Variants in FOXP2 observed in about 807,000 individuals in gnomAD.
FOXP2 encodes the protein forkhead box P2.
A neutral mutation model predicts 115.8 loss-of-function variants in FOXP2; 12 were observed. That is an observed-to-expected ratio of 0.10 (90% CI 0.07 to 0.17). FOXP2 has a LOEUF of 0.17. FOXP2 is among the 10% of genes least tolerant of loss of function. The probability of loss-of-function intolerance (pLI) is 1.00; values close to 1 mark genes in which losing one functional copy is unlikely to be tolerated. For missense variants in FOXP2, 629 were observed against 843.5 expected, an observed-to-expected ratio of 0.75 and a Z score of 3.15; for synonymous variants, 328 against 297.7, an observed-to-expected ratio of 1.10 and a Z score of -1.05.
At chr7:114,214,517 C>G (rs574245793) in intron 1 of FOXP2, among the ~76,000 whole-genome samples, 134 of 152,248 alleles carry the variant, frequency 8.8e-4, no homozygotes, top group Non-Finnish European at 1.5e-3. Context: ...CATCTTATAT[C>G]CTTTTTACCA....
intron 3 of FOXP2, among the ~76,000 whole-genome samples, chr7:114,598,620 G>T (rs1802850432): frequency 6.6e-6 from 1 of 151,752 alleles, no homozygotes; most frequent in African/African-American, 2.4e-5. Context: ...TTTAATTGTG[G>T]TAAAATGCAT....
intron 1 of FOXP2, among the ~76,000 whole-genome samples, chr7:114,187,356 A>C (rs1003773856): frequency 1.3e-5 from 2 of 152,204 alleles, no homozygotes; most frequent in Non-Finnish European, 1.5e-5. Context: ...ATTGCTTTTA[A>C]GTTCTGCCCT....
At chr7:114,133,901 A>G (rs1236032538) in intron 1 of FOXP2, among the ~76,000 whole-genome samples, 1 of 152,182 alleles carries the variant, frequency 6.6e-6, no homozygotes, top group East Asian at 1.9e-4. Context: ...AGCTAGGGCC[A>G]TGTCCTTGAA....
chr7:114,192,738 C>G (rs1446676943), intron 1 of FOXP2, among the ~76,000 whole-genome samples: 1 of 152,212 alleles, frequency 6.6e-6, no homozygotes, highest in African/African-American at 2.4e-5. Flanking sequence ...TACATTACTA[C>G]TTAATGTTGC....
At chr7:114,343,810 A>G (rs916681613) in intron 2 of FOXP2, among the ~76,000 whole-genome samples, 6 of 151,678 alleles carry the variant, frequency 4.0e-5, no homozygotes, top group Non-Finnish European at 7.4e-5. Context: ...ACTTAAAAAT[A>G]CAGTAGCCAT....
At chr7:114,168,522 T>A (rs1271699227) in intron 1 of FOXP2, among the ~76,000 whole-genome samples, 4 of 152,150 alleles carry the variant, frequency 2.6e-5, no homozygotes, top group Non-Finnish European at 5.9e-5. Context: ...AGAAGAAATT[T>A]CTAAGCAGCA....
upstream of FOXP2, chr7:114,086,441 G>A: frequency 2.9e-6 from 1 of 343,654 alleles, no homozygotes. Flanking sequence ...TATTTATGCG[G>A]CGGCCGCGTC....
At chr7:114,090,373 T>C (rs570569827) in intron 1 of FOXP2, among the ~76,000 whole-genome samples, 2 of 151,902 alleles carry the variant, frequency 1.3e-5, no homozygotes, top group Non-Finnish European at 3.0e-5. Flanking sequence ...AGTTGTCTTA[T>C]TCATAAATGA....
chr7:114,118,585 G>T (rs2129143311), intron 1 of FOXP2, among the ~76,000 whole-genome samples: 1 of 151,738 alleles, frequency 6.6e-6, no homozygotes, highest in Admixed American at 6.6e-5. Flanking sequence ...TATAAGTTTA[G>T]TAGAAGTTCA....
intron 2 of FOXP2, among the ~76,000 whole-genome samples, chr7:114,469,126 C>T (rs926847812): frequency 6.6e-6 from 1 of 152,078 alleles, no homozygotes; most frequent in African/African-American, 2.4e-5. Context: ...GACTCAAATG[C>T]CCTGAGAGAA....
At chr7:114,168,017 G>T (rs1322288323) in intron 1 of FOXP2, among the ~76,000 whole-genome samples, 1 of 151,110 alleles carries the variant, frequency 6.6e-6, no homozygotes. Context: ...GACATGACTT[G>T]CTCCTCCTCA....
chr7:114,144,336 C>T (rs1478846712), intron 1 of FOXP2, among the ~76,000 whole-genome samples: 1 of 152,028 alleles, frequency 6.6e-6, no homozygotes, highest in Non-Finnish European at 1.5e-5. Context: ...TTATTTTGCT[C>T]ATCTTTTTAC....
intron 1 of FOXP2, among the ~76,000 whole-genome samples, chr7:114,120,668 GTA>G (rs1306949918): frequency 1.6e-4 from 23 of 143,122 alleles, no homozygotes; most frequent in South Asian, 4.3e-4. Context: ...CTTCATATAT[GTA>G]TGTGTGTGTG....
chr7:114,536,802 G>A (rs1415338155), intron 3 of FOXP2, among the ~76,000 whole-genome samples: 1 of 151,350 alleles, frequency 6.6e-6, no homozygotes, highest in African/African-American at 2.4e-5. Flanking sequence ...AAATGTCATA[G>A]GAACGAGAAG....
chr7:114,281,195 G>A (rs543969061), intron 1 of FOXP2, among the ~76,000 whole-genome samples: 21 of 136,596 alleles, frequency 1.5e-4, no homozygotes, highest in African/African-American at 5.6e-4. Flanking sequence ...TCCCCCTCCC[G>A]GGTTTAAGCA....
intron 2 of FOXP2, among the ~76,000 whole-genome samples, chr7:114,503,080 A>G (rs1016831763): frequency 6.6e-6 from 1 of 151,998 alleles, no homozygotes; most frequent in Non-Finnish European, 1.5e-5. Flanking sequence ...GCACAGCCGA[A>G]AGTAGCACAC....
chr7:114,230,837 A>G (rs1794856392), intron 1 of FOXP2, among the ~76,000 whole-genome samples: 1 of 152,110 alleles, frequency 6.6e-6, no homozygotes, highest in East Asian at 1.9e-4. Context: ...TACCACTTTT[A>G]TTCAACACAG....
At chr7:114,678,986 A>G (rs542155013) in intron 16 of FOXP2, among the ~76,000 whole-genome samples, 1 of 152,310 alleles carries the variant, frequency 6.6e-6, no homozygotes, top group East Asian at 1.9e-4. Flanking sequence ...CATAAAAATA[A>G]ATATTTCATG....
At chr7:114,460,932 A>C (rs1317373346) in intron 2 of FOXP2, among the ~76,000 whole-genome samples, 2 of 152,162 alleles carry the variant, frequency 1.3e-5, no homozygotes, top group African/African-American at 4.8e-5. Context: ...CTCTATCCGA[A>C]TCTTTACCAT....
Sources: gnomAD v4.1 joint callset for allele counts (sites outside exome capture counted in the v4.1 genomes callset) on GRCh38, gnomAD v4.1.1 for gene constraint, MANE v1.5 for transcripts, NCBI Gene and HGNC (gene_info 2026-07-23, HGNC 2026-07-21) for gene names.